Variants in PCF11 observed in about 807,000 individuals in gnomAD.
The protein encoded by PCF11 is pre-mRNA cleavage complex 2 protein Pcf11.
Under a neutral mutation model 166.1 loss-of-function variants are expected in PCF11, and 19 were observed. That is an observed-to-expected ratio of 0.11 (90% CI 0.08 to 0.17). The LOEUF is 0.17. Among genes scored for constraint, PCF11 ranks in the 10% least tolerant of loss-of-function variants. The pLI, the probability that PCF11 is intolerant of heterozygous loss-of-function variation, is 1.00. For missense variants in PCF11, 1,565 were observed against 1,855.5 expected (o/e 0.84, Z 2.88); for synonymous variants, 663 against 644.1 (o/e 1.03, Z -0.44).
intron 11 of PCF11, 195 bp from the exon 12 acceptor site, chr11:83,180,813 A>G (rs756958713): frequency 1.6e-5 from 6 of 376,628 alleles, no homozygotes; most frequent in Non-Finnish European, 1.9e-5. Context: ...CCATCTTCCA[A>G]AAGTCACCAA....
chr11:83,177,082 TAGGAGC>T lies in PCF11; in HGVS notation c.3758-2_3761del. On this transcript the variant is annotated splice_acceptor_variant and coding_sequence_variant, in exon 10 of 16. Coordinates refer to ENST00000298281, the Ensembl canonical transcript of PCF11. LOFTEE classifies it high-confidence loss of function. ...TTTTTTCTTTCTTTCTTTTTTTTGTTAGGAGCCCTCCCTAAGGCATATCCTGATAAT... is the reference window on the plus strand; with the variant it reads ...TTTTTTCTTTCTTTCTTTTTTTTGTTCCTCCCTAAGGCATATCCTGATAAT... The T allele has an allele frequency of 6.8e-7, 1 of 1,471,898 alleles. No homozygotes were observed. The highest frequency in any genetic ancestry group is 1.4e-5 in the African/African-American group (1 of 69,272). 91.2% of individuals were successfully genotyped at this position (1,471,898 alleles called of 1,614,324 possible).
Position 83,167,082 on chromosome 11 carries a change from TA to T in PCF11, c.1818-36del. ...TTTAAATATGGTCCTGAGTATTTTT[TA>T]AAAAAACATTTCAATGTAACATACT... On this transcript the variant is annotated intron_variant, in intron 5 of 15. Coordinates refer to ENST00000298281, the Ensembl canonical transcript of PCF11. This position sits in a 1 kb window ranked among gnomAD's most constrained non-coding sequence, Gnocchi z 4.2. 3 of 1,488,036 alleles carry T rather than the reference TA, an allele frequency of 2.0e-6. No homozygotes were observed. Among genetic ancestry groups the T allele is most frequent in the South Asian group, 1.3e-5 (1 of 78,468 alleles). The allele number at this position is 1,488,036 out of a possible 1,614,324, so 92.2% of individuals were successfully genotyped here. A position where few individuals can be genotyped will look rare whatever the true frequency, so the allele number is the denominator to read the frequency against.
intron 4 of PCF11, among the ~76,000 whole-genome samples, chr11:83,164,663 G>A (rs775681922): frequency 2.6e-5 from 4 of 151,814 alleles, no homozygotes; most frequent in Admixed American, 6.6e-5. Context: ...TGGGAGGATC[G>A]CTTGAGTTTA....
intron 8 of PCF11, 36 bp downstream of exon 8, chr11:83,170,031 ATAAGT>A (rs1321392476): frequency 1.2e-5 from 18 of 1,495,824 alleles, no homozygotes; most frequent in Admixed American, 2.3e-5. Flanking sequence ...TTGTATGCAG[ATAAGT>A]TAACCATTTT....
chr11:83,168,534 C>G, exon 8 of PCF11: 1 of 1,614,016 alleles, frequency 6.2e-7, no homozygotes, highest in Non-Finnish European at 8.5e-7. Flanking sequence ...CATCAAGATT[C>G]GCCGGCCTGG....
Position 83,167,213 on chromosome 11 carries a change from G to A in PCF11, c.1906G>A (p.Ala636Thr). Reference sequence around the variant, plus strand: ...CACTAAAGGAATTTTATCACCTCGAGCCCCAAAGCAGCAACAGCATCGATT... The same window carrying A: ...CACTAAAGGAATTTTATCACCTCGAACCCCAAAGCAGCAACAGCATCGATT... The change falls in exon 6 of 16, where the codon GCC (alanine) becomes ACC (threonine). Residue 636 changes from alanine (A) to threonine (T), a missense_variant. Ala to Thr is a moderately conservative substitution (Grantham distance 58). Around this residue, in one of 12 missense-constraint regions of PCF11, gnomAD observed 468 missense variants for 483.4 expected, o/e 0.97. Coordinates refer to ENST00000298281, the Ensembl canonical transcript of PCF11. This position sits in a 1 kb window ranked among gnomAD's most constrained non-coding sequence, Gnocchi z 4.2. The A allele has an allele frequency of 6.2e-7, 1 of 1,613,696 alleles. No individual in the cohort carries two copies. The highest frequency in any genetic ancestry group is 2.2e-5 in the East Asian group (1 of 44,868).
At chr11:83,174,125 T>C (rs1455680725) in intron 9 of PCF11, among the ~76,000 whole-genome samples, 1 of 152,236 alleles carries the variant, frequency 6.6e-6, no homozygotes, top group Non-Finnish European at 1.5e-5. Context: ...TTAGGGGGTA[T>C]TGAATGGGAC....
rs1248339212 is a variant in PCF11 at position 83,167,373 on chromosome 11, T to TA, written c.2002-41dup. On this transcript the variant is annotated intron_variant, in intron 6 of 15. Transcript: ENST00000298281. This position sits in a 1 kb window ranked among gnomAD's most constrained non-coding sequence, Gnocchi z 4.2. ...ATCGTCTATTTTTTTGGTATTTTTT[T>TA]ATATTTAAAATATTTTATTTCCTTT... 2.6e-6 allele frequency: 4 copies of TA among 1,518,282 alleles called. No homozygotes were observed. In the African/African-American group the frequency reaches 4.3e-5, roughly 16 times the overall value. The allele number at this position is 1,518,282 out of a possible 1,614,324, so 94.1% of individuals were successfully genotyped here.
At chr11:83,185,281 A>G (rs1861244603) in exon 16 of PCF11, 1 of 155,938 alleles carries the variant, frequency 6.4e-6, no homozygotes, top group Non-Finnish European at 1.4e-5. Context: ...TTGAACAGCA[A>G]CCTCAACATA....
At chr11:83,157,483 G>A (rs756255955) in exon 1 of PCF11, 2 of 1,613,180 alleles carry the variant, frequency 1.2e-6, no homozygotes, top group East Asian at 2.2e-5. Flanking sequence ...GCGGGGGCCC[G>A]GGAGGACGCC....
At chr11:83,182,805 A>G (rs562139733) in intron 14 of PCF11, among the ~76,000 whole-genome samples, 55 of 152,326 alleles carry the variant, frequency 3.6e-4, no homozygotes, top group African/African-American at 1.3e-3. Context: ...TCATCAAACT[A>G]TACTGTGCTG....
chr11:83,169,538 G>T (rs756856639), exon 8 of PCF11: 4 of 1,613,840 alleles, frequency 2.5e-6, no homozygotes, highest in Non-Finnish European at 3.4e-6. Flanking sequence ...AGGACTCCTG[G>T]TCAGCCAGGC....
intron 3 of PCF11, 132 bp from the exon 4 acceptor site, chr11:83,164,075 G>A: frequency 1.5e-6 from 1 of 651,738 alleles, no homozygotes; most frequent in South Asian, 2.3e-5. Flanking sequence ...TTTATTTTGG[G>A]TTTTAAATTT....
exon 16 of PCF11, chr11:83,186,770 T>TA (rs1861306719): frequency 6.6e-6 from 1 of 152,222 alleles, no homozygotes; most frequent in Non-Finnish European, 1.5e-5. Flanking sequence ...CAGCTGAACT[T>TA]ACGTATATGA....
intron 11 of PCF11, among the ~76,000 whole-genome samples, chr11:83,178,072 A>G (rs1860949555): frequency 6.6e-6 from 1 of 151,884 alleles, no homozygotes; most frequent in African/African-American, 2.4e-5. Flanking sequence ...CAAAAGTCTT[A>G]CTCTGCTGCC....
At chr11:83,173,773 A>G (rs147909893) in intron 9 of PCF11, among the ~76,000 whole-genome samples, 2,655 of 116,122 alleles carry the variant, frequency 0.023, 91 homozygotes, top group African/African-American at 0.084. Flanking sequence ...CTTGTCACCC[A>G]GGCTGGAGTG....
intron 14 of PCF11, 56 bp downstream of exon 14, chr11:83,182,547 AAC>A (rs1861118587): frequency 2.3e-6 from 2 of 865,662 alleles, no homozygotes; most frequent in Non-Finnish European, 3.8e-6. Flanking sequence ...TTGTTGGGTT[AAC>A]ACATTACTTT....
rs745354185 is a variant in PCF11, at chr11:83,171,924, T to G, written c.3757+10T>G. 7.6e-6 allele frequency: 10 copies of G among 1,318,034 alleles called. No homozygotes were observed. The highest frequency in any genetic ancestry group is 9.8e-6 in the Non-Finnish European group (9 of 920,652). The allele number at this position is 1,318,034 out of a possible 1,614,324, so 81.6% of individuals were successfully genotyped here. On this transcript the variant is annotated intron_variant, in intron 9 of 15. Transcript: ENST00000298281. ...GTTCAGAATCCTTCAGGTATGTACT[T>G]TCTGAACTTTGTTTTTCAAAAGACA...
chr11:83,182,028 A>C lies in PCF11; in HGVS notation c.4323+19A>C, dbSNP rs1281239782. The stretch of plus-strand genomic sequence containing the variant: ...AGTTGAGGTGAGAGAAGAACGTTTA[A>C]GTTTTCTCACAGTGGGAGTGTCCCT... On this transcript the variant is annotated intron_variant, in intron 13 of 15. Transcript: ENST00000298281. The C allele has an allele frequency of 6.3e-7, 1 of 1,586,264 alleles. No homozygotes were observed. Among genetic ancestry groups the C allele is most frequent in the Admixed American group, 1.9e-5 (1 of 52,988 alleles).
Sources: allele counts gnomAD v4.1 joint callset (sites outside exome capture counted in the v4.1 genomes callset), GRCh38; gene constraint gnomAD v4.1.1; regional missense constraint gnomAD v4.1.1; non-coding constraint Gnocchi (gnomAD v3.1); transcripts MANE v1.5; gene names NCBI Gene and HGNC (gene_info 2026-07-23, HGNC 2026-07-21).